The following FRMD4B variants were observed in gnomAD, a reference collection of about 807,000 sequenced individuals.
The protein encoded by FRMD4B is FERM domain-containing protein 4B.
Under a neutral mutation model 141.5 loss-of-function variants are expected in FRMD4B, and 74 were observed. The observed-to-expected ratio is 0.52, with a 90% confidence interval of 0.43 to 0.63. The LOEUF (loss-of-function observed/expected upper bound fraction) is 0.63. Ranked by LOEUF, FRMD4B falls within the 30% of genes least tolerant of loss-of-function variation. The pLI is 0.00. For missense variants in FRMD4B, 1,366 were observed against 1,253.4 expected (o/e 1.09, Z -1.36); for synonymous variants, 506 against 467.9 (o/e 1.08, Z -1.05).
chr3:69,434,924 G>C (rs1705237443), intron 1 of FRMD4B, among the ~76,000 whole-genome samples: 1 of 152,108 alleles, frequency 6.6e-6, no homozygotes, highest in South Asian at 2.1e-4. Context: ...CAACAGAGCT[G>C]GTATCCTCTG....
chr3:69,416,130 A>C (rs1193105352), intron 2 of FRMD4B, among the ~76,000 whole-genome samples: 3 of 152,228 alleles, frequency 2.0e-5, no homozygotes, highest in Non-Finnish European at 4.4e-5. Flanking sequence ...AATAACAGGT[A>C]CTGTTTTGCA....
intron 2 of FRMD4B, among the ~76,000 whole-genome samples, chr3:69,418,761 G>GGTAAGAAACTGA (rs1005142763): frequency 6.6e-6 from 1 of 151,992 alleles, no homozygotes; most frequent in Admixed American, 6.6e-5. Context: ...ATTTCAGCCT[G>GGTAAGAAACTGA]GTAAGAAACT....
rs1282653582 is a variant in FRMD4B, at chr3:69,170,725, G to A, written c.*1136C>T. On this transcript the variant is annotated 3_prime_UTR_variant, in exon 23 of 23. Coordinates refer to ENST00000398540, the MANE Select transcript of FRMD4B (RefSeq NM_015123.3). The stretch of plus-strand genomic sequence containing the variant: ...CCCTACAATAAACCATAGCTAATTA[G>A]TTCTTCCAAGGAAAGTATGAGGTAG... 6.6e-6 allele frequency: 1 copy of A among 152,126 alleles called. No homozygotes were observed. Among genetic ancestry groups the A allele is most frequent in the African/African-American group, 2.4e-5 (1 of 41,432 alleles). The allele number at this position is 152,126 out of a possible 1,614,324, so 9.4% of individuals were successfully genotyped here.
intron 5 of FRMD4B, among the ~76,000 whole-genome samples, chr3:69,258,598 A>G (rs1409030873): frequency 6.6e-6 from 1 of 152,184 alleles, no homozygotes; most frequent in Non-Finnish European, 1.5e-5. Flanking sequence ...TCCCTTGCAA[A>G]TGCATATTAT....
At chr3:69,457,041 C>G (rs552171672) in intron 1 of FRMD4B, among the ~76,000 whole-genome samples, 2 of 151,202 alleles carry the variant, frequency 1.3e-5, no homozygotes, top group African/African-American at 4.8e-5. Context: ...CACACACAAA[C>G]GTGTGTGTGT....
At chr3:69,192,706 G>C (rs1402882602) in intron 17 of FRMD4B, among the ~76,000 whole-genome samples, 1 of 152,118 alleles carries the variant, frequency 6.6e-6, no homozygotes, top group East Asian at 1.9e-4. Flanking sequence ...GTCTTTGTGT[G>C]TGCATATTTC....
intron 11 of FRMD4B, chr3:69,200,845 C>T (rs1018229481): frequency 4.3e-6 from 2 of 469,234 alleles, no homozygotes; most frequent in South Asian, 1.5e-5. Flanking sequence ...GGAAGAGTTA[C>T]AATGCAGCTC....
intron 1 of FRMD4B, among the ~76,000 whole-genome samples, chr3:69,523,924 G>T (rs562106103): frequency 4.6e-5 from 7 of 152,260 alleles, no homozygotes; most frequent in African/African-American, 1.4e-4. Flanking sequence ...GGGATCAGAA[G>T]GCACCACCCA....
chr3:69,477,417 T>C (rs1257947832), intron 1 of FRMD4B, among the ~76,000 whole-genome samples: 4 of 150,064 alleles, frequency 2.7e-5, no homozygotes, highest in African/African-American at 2.5e-5. Flanking sequence ...GCATGAAGGG[T>C]TGTTGAATTT....
chr3:69,444,025 G>A (rs1420293449), intron 1 of FRMD4B, among the ~76,000 whole-genome samples: 1 of 144,524 alleles, frequency 6.9e-6, no homozygotes, highest in Non-Finnish European at 1.5e-5. Flanking sequence ...ACCCATACCA[G>A]GGACTCAGCT....
intron 2 of FRMD4B, among the ~76,000 whole-genome samples, chr3:69,395,209 A>AG (rs1333395841): frequency 1.3e-5 from 2 of 152,148 alleles, no homozygotes; most frequent in Non-Finnish European, 2.9e-5. Context: ...TAAAAAGATG[A>AG]GAAAAAAAGA....
chr3:69,272,139 TTTTA>T (rs927303673), intron 5 of FRMD4B, among the ~76,000 whole-genome samples: 4 of 151,940 alleles, frequency 2.6e-5, no homozygotes, highest in Admixed American at 6.6e-5. Flanking sequence ...TTCACAAGTC[TTTTA>T]TTTATTTATT....
At chr3:69,499,170 T>C (rs530595283) in intron 1 of FRMD4B, among the ~76,000 whole-genome samples, 6 of 152,180 alleles carry the variant, frequency 3.9e-5, no homozygotes, top group Admixed American at 6.5e-5. Context: ...GACAGAAAAC[T>C]GGTGTGGTGA....
chr3:69,334,911 A>C (rs7640736), intron 1 of FRMD4B, among the ~76,000 whole-genome samples: 6,496 of 152,310 alleles, frequency 0.043, 481 homozygotes, highest in African/African-American at 0.15. Flanking sequence ...CAAATCAAGC[A>C]ACACACAGGG....
intron 9 of FRMD4B, among the ~76,000 whole-genome samples, chr3:69,221,182 C>A (rs182183269): frequency 6.6e-6 from 1 of 152,046 alleles, no homozygotes; most frequent in African/African-American, 2.4e-5. Context: ...AGGCTGGCAT[C>A]GAACCTCTGA....
chr3:69,456,238 T>C (rs1164015774), intron 1 of FRMD4B, among the ~76,000 whole-genome samples: 1 of 95,622 alleles, frequency 1.0e-5, no homozygotes, highest in Non-Finnish European at 2.1e-5. Flanking sequence ...AAACTCAAAG[T>C]GTTTGCACAA....
Position 69,171,707 on chromosome 3 carries a change from G to C in FRMD4B, c.*154C>G, listed in dbSNP as rs565663900. 4 of 706,030 alleles carry C rather than the reference G, an allele frequency of 5.7e-6. No homozygotes were observed. In the East Asian group the frequency reaches 1.0e-4, roughly 18 times the overall value. 43.7% of individuals were successfully genotyped at this position (706,030 alleles called of 1,614,324 possible). A position where few individuals can be genotyped will look rare whatever the true frequency, so the allele number is the denominator to read the frequency against. ...AGGGGCTTTGTGGGGCTTGGTGTGT[G>C]ATTCACTGATTCACTTCCAGGGCAA... On this transcript the variant is annotated 3_prime_UTR_variant, in exon 23 of 23. Transcript: ENST00000398540.
At chr3:69,334,479 A>G (rs547589194) in intron 1 of FRMD4B, 2 of 151,952 alleles carry the variant, frequency 1.3e-5, no homozygotes, top group Admixed American at 6.6e-5. Context: ...ACAAAAAAAA[A>G]AAAAAAAATT....
At chr3:69,257,787 G>A (rs1244269728) in intron 5 of FRMD4B, among the ~76,000 whole-genome samples, 1 of 150,780 alleles carries the variant, frequency 6.6e-6, no homozygotes, top group Non-Finnish European at 1.5e-5. Flanking sequence ...TCAGCCTCCT[G>A]AGTAGCCGGG....
Sources: gnomAD v4.1 joint callset for allele counts (sites outside exome capture counted in the v4.1 genomes callset) on GRCh38, gnomAD v4.1.1 for gene constraint, MANE v1.5 for transcripts, NCBI Gene and HGNC (gene_info 2026-07-23, HGNC 2026-07-21) for gene names.